EMC8: variants seen among roughly 807,000 people sequenced by gnomAD.
EMC8 encodes COX4 neighbor.
EMC8 carries 11 observed loss-of-function variants against 24.3 expected under a neutral mutation model. The ratio of observed to expected loss-of-function variants is 0.45; its 90% CI spans 0.28 to 0.75. The LOEUF (loss-of-function observed/expected upper bound fraction) is 0.75, where lower values mean the gene tolerates loss of function less well. EMC8 is among the 30% of genes least tolerant of loss of function. The pLI is 0.12. For synonymous variants in EMC8, 145 were observed against 117.7 expected (o/e 1.23, Z -1.50); for missense variants, 277 against 282.7 (o/e 0.98, Z 0.14).
At chr16:85,793,602 T>G (rs1012071793) in intron 1 of EMC8, among the ~76,000 whole-genome samples, 4 of 152,022 alleles carry the variant, frequency 2.6e-5, no homozygotes, top group African/African-American at 7.3e-5. Flanking sequence ...ATGGGAGAGC[T>G]CCAGGGCAGC....
In EMC8 at chr16:85,790,264, C is replaced by T. The variant is rs80237046; in HGVS notation, c.232-1214G>A. Among the ~76,000 whole-genome samples, 39 of 152,044 alleles carry T rather than the reference C, an allele frequency of 2.6e-4. No homozygotes were observed. In the East Asian group the frequency reaches 7.0e-3, roughly 27 times the overall value. On this transcript the variant is annotated intron_variant, in intron 1 of 4. Coordinates refer to ENST00000253457, the MANE Select transcript of EMC8 (RefSeq NM_006067.5). ...TGTTTGGGCCTCTGAGTCTCCTTCA[C>T]GACCAAAAGCAGACAAGACAGTTAC... is the stretch of plus-strand genomic sequence containing the variant.
chr16:85,789,032 C>T lies in EMC8; in HGVS notation c.250G>A (p.Asp84Asn). 6.2e-7 allele frequency: 1 copy of T among 1,613,604 alleles called. No homozygotes were observed. The highest frequency in any genetic ancestry group is 8.5e-7 in the Non-Finnish European group (1 of 1,179,510). The change falls in exon 2 of 5, where the codon GAT (aspartate) becomes AAT (asparagine). Residue 84 changes from aspartate to asparagine, a missense_variant. Coordinates refer to ENST00000253457, the MANE Select transcript of EMC8 (RefSeq NM_006067.5). ...TAACCAGCAATCACGTAGCTATGATCTTTGCACCATGAATCAATCTGAAAG... is the reference window on the plus strand; with the variant it reads ...TAACCAGCAATCACGTAGCTATGATTTTTGCACCATGAATCAATCTGAAAG... ...ALTLIDSWCK[D>N]HSYVIAGYYQ... is the part of the protein sequence containing the mutation.
intron 2 of EMC8, chr16:85,787,622 TGA>T (rs1291404302): frequency 2.6e-5 from 4 of 152,244 alleles, no homozygotes. Flanking sequence ...GACATCCCAG[TGA>T]GAGTCAGAAG....
At chr16:85,788,173 T>C (rs1018640432) in intron 2 of EMC8, among the ~76,000 whole-genome samples, 2 of 152,228 alleles carry the variant, frequency 1.3e-5, no homozygotes, top group African/African-American at 2.4e-5. Context: ...GGGGACATCA[T>C]GTACTGACTG....
chr16:85,798,874 T>C, intron 1 of EMC8, 191 bp downstream of exon 1: 1 of 535,230 alleles, frequency 1.9e-6, no homozygotes, highest in East Asian at 3.1e-5. Flanking sequence ...AAGTCGCTGC[T>C]ACTACGGGAC....
chr16:85,790,870 G>A (rs918746374), intron 1 of EMC8, among the ~76,000 whole-genome samples: 1 of 151,834 alleles, frequency 6.6e-6, no homozygotes, highest in Non-Finnish European at 1.5e-5. Flanking sequence ...TCCGTTGTCC[G>A]GGCTGGAGAG....
At chr16:85,793,356 C>T (rs1053210692) in intron 1 of EMC8, among the ~76,000 whole-genome samples, 4 of 152,184 alleles carry the variant, frequency 2.6e-5, no homozygotes, top group African/African-American at 9.7e-5. Flanking sequence ...AGAAGTAGAG[C>T]AACTGTTATT....
intron 2 of EMC8, among the ~76,000 whole-genome samples, chr16:85,784,044 G>T (rs949965595): frequency 6.6e-6 from 1 of 152,086 alleles, no homozygotes; most frequent in Non-Finnish European, 1.5e-5. Context: ...TGTCGCCTAG[G>T]CTGGAGTGCA....
intron 1 of EMC8, among the ~76,000 whole-genome samples, chr16:85,795,788 A>T (rs1391760640): frequency 6.6e-6 from 1 of 151,850 alleles, no homozygotes; most frequent in Non-Finnish European, 1.5e-5. Flanking sequence ...AGCCATGGAA[A>T]CCCCACCTTG....
At chr16:85,785,447 G>A (rs1267413288) in intron 2 of EMC8, among the ~76,000 whole-genome samples, 3 of 152,258 alleles carry the variant, frequency 2.0e-5, no homozygotes, top group East Asian at 1.9e-4. Flanking sequence ...GCAGGTGCCT[G>A]TAATTCCAGC....
chr16:85,780,122 C>T (rs1019214276), intron 4 of EMC8: 2 of 600,214 alleles, frequency 3.3e-6, no homozygotes, highest in Non-Finnish European at 5.9e-6. Context: ...TGAGTGGCCA[C>T]AGATACATCA....
At chr16:85,794,486 C>T (rs952650167) in intron 1 of EMC8, among the ~76,000 whole-genome samples, 3 of 152,164 alleles carry the variant, frequency 2.0e-5, no homozygotes, top group South Asian at 2.1e-4. Flanking sequence ...CTCAGGAGAT[C>T]GAGACCCGCC....
chr16:85,781,155 C>A (rs1301245821), intron 3 of EMC8, 56 bp downstream of exon 3: 1 of 1,263,138 alleles, frequency 7.9e-7, no homozygotes, highest in African/African-American at 1.5e-5. Flanking sequence ...GAGCAAGCTC[C>A]AGGTTGGTGA....
At chr16:85,791,080 G>A (rs1427893703) in intron 1 of EMC8, among the ~76,000 whole-genome samples, 1 of 151,706 alleles carries the variant, frequency 6.6e-6, no homozygotes, top group Non-Finnish European at 1.5e-5. Context: ...CTCCTGCCTT[G>A]GCCTCCCAAA....
intron 1 of EMC8, among the ~76,000 whole-genome samples, chr16:85,791,221 C>A (rs1485741878): frequency 6.6e-6 from 1 of 152,182 alleles, no homozygotes; most frequent in South Asian, 2.1e-4. Context: ...ATTTTTAATG[C>A]ATACATTTTT....
chr16:85,781,697 C>T (rs539263221), intron 2 of EMC8: 2 of 169,710 alleles, frequency 1.2e-5, no homozygotes, highest in Non-Finnish European at 2.4e-5. Context: ...AGCAATCTTA[C>T]TGCCCTGGCC....
At chr16:85,792,696 C>T (rs2152075985) in intron 1 of EMC8, 1 of 152,364 alleles carries the variant, frequency 6.6e-6, no homozygotes, top group African/African-American at 2.4e-5. Flanking sequence ...CTGCAGGATC[C>T]TGCCCTCAGC....
chr16:85,788,053 A>G (rs552673613), intron 2 of EMC8, among the ~76,000 whole-genome samples: 1 of 152,212 alleles, frequency 6.6e-6, no homozygotes, highest in Non-Finnish European at 1.5e-5. Context: ...CTATCTGACA[A>G]CATGAGGAAG....
At chr16:85,781,399 G>A in intron 2 of EMC8, 119 bp from the exon 3 acceptor site, 1 of 724,126 alleles carries the variant, frequency 1.4e-6, no homozygotes, top group South Asian at 1.5e-5. Flanking sequence ...AGAGCCAACA[G>A]GCTGCACGTG....
Sources: allele counts gnomAD v4.1 joint callset (sites outside exome capture counted in the v4.1 genomes callset), GRCh38; gene constraint gnomAD v4.1.1; transcripts MANE v1.5; gene names NCBI Gene and HGNC (gene_info 2026-07-23, HGNC 2026-07-21).